The following PRKN variants were observed in gnomAD, a reference collection of about 807,000 sequenced individuals.
PRKN encodes parkin RBR E3 ubiquitin protein ligase, also known as E3 ubiquitin-protein ligase parkin.
Under a neutral mutation model 59.5 loss-of-function variants are expected in PRKN, and 56 were observed. The observed-to-expected ratio is 0.94, with a 90% CI of 0.76 to 1.18. PRKN has a LOEUF of 1.18. Among genes scored for constraint, PRKN ranks in the 50% most tolerant of loss-of-function variants. The probability of loss-of-function intolerance (pLI) is 0.00; values close to 1 mark genes in which losing one functional copy is unlikely to be tolerated. For missense variants in PRKN, 657 were observed against 596.4 expected, an observed-to-expected ratio of 1.10 and a Z score of -1.06; for synonymous variants, 250 against 222.1, an observed-to-expected ratio of 1.13 and a Z score of -1.12.
chr6:161,918,009 A>G lies in PRKN; in HGVS notation c.734+55293T>C, dbSNP rs141486484. On this transcript the variant is annotated intron_variant, in intron 6 of 11. Transcript: ENST00000366898. ...AATTTCATTGGTGGGGAGGACATAC[A>G]TATTTATAAGTGTGGAAACAGGCGA... 3.1e-3 allele frequency among the ~76,000 whole-genome samples: 468 copies of G among 152,348 alleles called. 3 individuals carry two copies. The highest frequency in any genetic ancestry group is 0.011 in the African/African-American group (450 of 41,572).
chr6:161,407,077 T>C lies in PRKN; in HGVS notation c.1084-20200A>G, dbSNP rs897140719. Among the ~76,000 whole-genome samples, 8 of 152,204 alleles carry C rather than the reference T, an allele frequency of 5.3e-5. No individual in the cohort carries two copies. The highest frequency in any genetic ancestry group is 1.9e-4 in the African/African-American group (8 of 41,438). On this transcript the variant is annotated intron_variant, in intron 9 of 11. Coordinates refer to ENST00000366898, the MANE Select transcript of PRKN (RefSeq NM_004562.3). This position sits in a 1 kb window ranked among gnomAD's most constrained non-coding sequence, Gnocchi z 4.9. ...ATTTCAAATTAAGATCACCAAATTA[T>C]ATTTACATAAAAGCCTCTATAATGA...
At chr6:161,870,482 T>C (rs1794299216) in intron 6 of PRKN, among the ~76,000 whole-genome samples, 3 of 152,192 alleles carry the variant, frequency 2.0e-5, no homozygotes, top group Admixed American at 6.5e-5. Flanking sequence ...TACATAATTA[T>C]CTCATGTTCT....
At chr6:161,380,266 G>A (rs1242383624) in intron 10 of PRKN, among the ~76,000 whole-genome samples, 2 of 152,048 alleles carry the variant, frequency 1.3e-5, no homozygotes, top group Non-Finnish European at 2.9e-5. Flanking sequence ...CAACCCCGTG[G>A]AGAACTGGCC....
At chr6:162,720,865 T>C (rs1778917614) in intron 1 of PRKN, among the ~76,000 whole-genome samples, 1 of 152,160 alleles carries the variant, frequency 6.6e-6, no homozygotes, top group Admixed American at 6.5e-5. Context: ...GACATTGTTC[T>C]CTCCACACAG....
chr6:162,134,049 G>A (rs969118831), intron 4 of PRKN, among the ~76,000 whole-genome samples: 1 of 152,272 alleles, frequency 6.6e-6, no homozygotes, highest in African/African-American at 2.4e-5. Flanking sequence ...TGTCTGATAC[G>A]AATGAATTAC....
chr6:162,155,749 C>A (rs756381368), intron 4 of PRKN, among the ~76,000 whole-genome samples: 4 of 151,326 alleles, frequency 2.6e-5, no homozygotes, highest in Non-Finnish European at 5.9e-5. Context: ...ATCATAAAAG[C>A]CACATTCTGT....
intron 6 of PRKN, among the ~76,000 whole-genome samples, chr6:161,790,425 A>T (rs1790592374): frequency 6.6e-6 from 1 of 152,180 alleles, no homozygotes; most frequent in South Asian, 2.1e-4. Context: ...GATTCACTGA[A>T]GGTTTCTGCT....
chr6:161,391,880 T>G lies in PRKN; in HGVS notation c.1084-5003A>C, dbSNP rs1050724740. Among the ~76,000 whole-genome samples the G allele has an allele frequency of 5.3e-5, 8 of 151,858 alleles. No homozygotes were observed. The highest frequency in any genetic ancestry group is 7.4e-5 in the Non-Finnish European group (5 of 67,980). On this transcript the variant is annotated intron_variant, in intron 9 of 11. Transcript: ENST00000366898. This position sits in a 1 kb window ranked among gnomAD's most constrained non-coding sequence, Gnocchi z 4.9. Reference sequence around the variant, plus strand: ...ATGGCCACTCTGTGGATTTAGGAGGTGCCTACCCAGCCCTGAAACCGTGTA... The same window carrying G: ...ATGGCCACTCTGTGGATTTAGGAGGGGCCTACCCAGCCCTGAAACCGTGTA...
Position 162,262,531 on chromosome 6 carries a change from T to C in PRKN, c.406A>G (p.Ser136Gly). 1 of 1,614,118 alleles carries C rather than the reference T, an allele frequency of 6.2e-7. No homozygotes were observed. Among genetic ancestry groups the C allele is most frequent in the Non-Finnish European group, 8.5e-7 (1 of 1,180,006 alleles). The change falls in exon 3 of 12, where the codon AGT (serine) becomes GGT (glycine). Residue 136 changes from serine (S) to glycine (G), a missense_variant. By Grantham distance (56) the Ser-to-Gly change is moderately conservative. Coordinates refer to ENST00000366898, the MANE Select transcript of PRKN (RefSeq NM_004562.3). ...CTTAGAGCATTCCAATTACCTGGAC[T>C]TCCAGCTGGTGGTGAGTCCTTCCTG... is the stretch of plus-strand genomic sequence containing the variant. The part of the protein sequence containing the change: ...DSRKDSPPAG[S>G]PAGRSIYNSF...
intron 4 of PRKN, among the ~76,000 whole-genome samples, chr6:162,096,183 C>T (rs774417112): frequency 6.6e-6 from 1 of 152,088 alleles, no homozygotes; most frequent in Non-Finnish European, 1.5e-5. Context: ...GATCAGAACC[C>T]GAGGATTTGT....
intron 4 of PRKN, among the ~76,000 whole-genome samples, chr6:162,104,193 T>A (rs1386849429): frequency 6.6e-6 from 1 of 152,138 alleles, no homozygotes; most frequent in Non-Finnish European, 1.5e-5. Context: ...AGCACCTACT[T>A]CAAGGTTGGT....
intron 1 of PRKN, among the ~76,000 whole-genome samples, chr6:162,447,376 T>C (rs1790369048): frequency 8.5e-6 from 1 of 117,530 alleles, no homozygotes; most frequent in Non-Finnish European, 1.7e-5. Context: ...CTTTCTAAGG[T>C]TTAATTACAT....
At chr6:162,129,400 T>G (rs988699629) in intron 4 of PRKN, among the ~76,000 whole-genome samples, 16 of 152,218 alleles carry the variant, frequency 1.1e-4, no homozygotes, top group African/African-American at 3.9e-4. Context: ...TTTTATCAGC[T>G]TAACATTTTG....
At chr6:161,875,842 C>A (rs1189119762) in intron 6 of PRKN, among the ~76,000 whole-genome samples, 1 of 152,028 alleles carries the variant, frequency 6.6e-6, no homozygotes, top group Non-Finnish European at 1.5e-5. Context: ...TATGATCCTC[C>A]CCTCACTGGC....
intron 2 of PRKN, among the ~76,000 whole-genome samples, chr6:162,289,782 G>T (rs1008713392): frequency 6.6e-6 from 1 of 152,070 alleles, no homozygotes; most frequent in Admixed American, 6.6e-5. Flanking sequence ...TACCTTACTG[G>T]AGGGCAGATA....
rs1358648520 is a variant in PRKN, at chr6:161,575,054, C to T, written c.872-5638G>A. On this transcript the variant is annotated intron_variant, in intron 7 of 11. Transcript: ENST00000366898. The surrounding 1 kb of genome is among the most constrained non-coding windows in gnomAD (Gnocchi z 4.6). The stretch of plus-strand genomic sequence containing the variant: ...TGCTCACAAGTTTGTGCTCTTCTGT[C>T]GTGTTTTTCCTCTAGTTATTAAACC... 1.3e-5 allele frequency among the ~76,000 whole-genome samples: 2 copies of T among 152,134 alleles called. No individual in the cohort carries two copies. The highest frequency in any genetic ancestry group is 2.9e-5 in the Non-Finnish European group (2 of 68,022).
rs551605719 is a variant in PRKN, at chr6:161,364,091, C to A, written c.1168-3886G>T. ...GGCTGAGGCAGAAGAATGGCGTGAA[C>A]CCGGGAGGCTGAGCTTGCAGTGAGC... On this transcript the variant is annotated intron_variant, in intron 10 of 11. Transcript: ENST00000366898. 1.2e-3 allele frequency among the ~76,000 whole-genome samples: 175 copies of A among 149,540 alleles called. 1 individual carries two copies. The highest frequency in any genetic ancestry group is 4.1e-3 in the African/African-American group (168 of 40,490).
rs746449373 is a variant in PRKN at position 162,590,012 on chromosome 6, G to A, written c.7+137650C>T. 4.6e-5 allele frequency among the ~76,000 whole-genome samples: 7 copies of A among 152,148 alleles called. No homozygotes were observed. The East Asian group carries it at 7.7e-4, about 17-fold the overall frequency. ...GTTGGAAATTAAATAATTTGTGAAT[G>A]AGACACCAAGTAAATGTATTAGTCA... On this transcript the variant is annotated intron_variant, in intron 1 of 11. Coordinates refer to ENST00000366898, the MANE Select transcript of PRKN (RefSeq NM_004562.3).
intron 3 of PRKN, among the ~76,000 whole-genome samples, chr6:162,239,126 T>A (rs1037181817): frequency 2.0e-5 from 3 of 152,104 alleles, no homozygotes; most frequent in Non-Finnish European, 4.4e-5. Flanking sequence ...TGAATACAAT[T>A]AGTATAGTAA....
Sources: gnomAD v4.1 joint callset for allele counts (sites outside exome capture counted in the v4.1 genomes callset) on GRCh38, gnomAD v4.1.1 for gene constraint, Gnocchi (gnomAD v3.1) non-coding constraint, MANE v1.5 for transcripts, NCBI Gene and HGNC (gene_info 2026-07-23, HGNC 2026-07-21) for gene names.